CNTNAP2: variants seen among roughly 807,000 people sequenced by gnomAD.
CNTNAP2 encodes the protein contactin associated protein 2.
A neutral mutation model predicts 155.2 loss-of-function variants in CNTNAP2; 98 were observed. The observed-to-expected ratio is 0.63, with a 90% CI of 0.54 to 0.75. The LOEUF (loss-of-function observed/expected upper bound fraction) is 0.75. CNTNAP2 is among the 30% of genes least tolerant of loss of function. CNTNAP2 has a pLI of 0.00. For missense variants in CNTNAP2, 1,727 were observed against 1,688.1 expected, an observed-to-expected ratio of 1.02 and a Z score of -0.40; for synonymous variants, 651 against 631.2, an observed-to-expected ratio of 1.03 and a Z score of -0.47.
In CNTNAP2 at chr7:148,117,664, C is replaced by T. The variant is rs117759646; in HGVS notation, c.2384-454C>T. On this transcript the variant is annotated intron_variant, in intron 15 of 23. Transcript: ENST00000361727. Reference sequence around the variant, plus strand: ...CATATGCAGGAGTTCAAAACAGCCCCCACCCACCCACAGAGTAACCCCAGG... The same window carrying T: ...CATATGCAGGAGTTCAAAACAGCCCTCACCCACCCACAGAGTAACCCCAGG... 8.7e-3 allele frequency among the ~76,000 whole-genome samples: 1,331 copies of T among 152,190 alleles called. 6 individuals carry two copies. Among genetic ancestry groups the T allele is most frequent in the South Asian group, 0.023 (112 of 4,812 alleles).
intron 13 of CNTNAP2, among the ~76,000 whole-genome samples, chr7:147,888,145 T>C (rs1457596205): frequency 6.6e-6 from 1 of 152,076 alleles, no homozygotes; most frequent in African/African-American, 2.4e-5. Flanking sequence ...TGTGAATCAA[T>C]AGAGATAACT....
At chr7:148,359,948 T>C (rs1048773675) in intron 21 of CNTNAP2, among the ~76,000 whole-genome samples, 2 of 152,160 alleles carry the variant, frequency 1.3e-5, no homozygotes, top group Admixed American at 6.5e-5. Context: ...ATGTGAAAAA[T>C]ACAATAAAAT....
chr7:146,720,312 G>A (rs538178983), intron 1 of CNTNAP2, among the ~76,000 whole-genome samples: 2 of 151,968 alleles, frequency 1.3e-5, no homozygotes, highest in African/African-American at 4.8e-5. Context: ...CTCTTTACTG[G>A]CTCACTTTCA....
At chr7:147,859,439 AAC>A (rs1248315540) in intron 13 of CNTNAP2, among the ~76,000 whole-genome samples, 30 of 122,456 alleles carry the variant, frequency 2.4e-4, no homozygotes, top group African/African-American at 7.5e-4. Context: ...AAAAAAAAAA[AAC>A]ATGTCATATT....
At chr7:147,397,752 G>T (rs1372729029) in intron 10 of CNTNAP2, among the ~76,000 whole-genome samples, 1 of 148,286 alleles carries the variant, frequency 6.7e-6, no homozygotes, top group Admixed American at 6.9e-5. Flanking sequence ...ATTTTTCACA[G>T]ATACAGAGAT....
intron 3 of CNTNAP2, among the ~76,000 whole-genome samples, chr7:146,898,472 T>C (rs570732287): frequency 5.3e-5 from 8 of 151,916 alleles, no homozygotes; most frequent in African/African-American, 1.9e-4. Context: ...TTTAAATTAG[T>C]TGTGCAACTG....
intron 14 of CNTNAP2, among the ~76,000 whole-genome samples, chr7:147,952,871 A>G (rs1222843296): frequency 2.0e-5 from 3 of 152,122 alleles, no homozygotes; most frequent in Non-Finnish European, 4.4e-5. Context: ...TGAAATTACT[A>G]TCTACCAATG....
chr7:148,082,759 A>G (rs183078093), intron 15 of CNTNAP2, among the ~76,000 whole-genome samples: 71 of 151,958 alleles, frequency 4.7e-4, no homozygotes, highest in African/African-American at 1.6e-3. Flanking sequence ...GCTTATTGCA[A>G]CCTCCACCTC....
intron 1 of CNTNAP2, among the ~76,000 whole-genome samples, chr7:146,141,399 T>G: frequency 6.6e-6 from 1 of 152,168 alleles, no homozygotes; most frequent in African/African-American, 2.4e-5. Context: ...CTGTATTTTT[T>G]ATGGATTTAC....
chr7:146,721,786 G>A (rs1418535409), intron 1 of CNTNAP2, among the ~76,000 whole-genome samples: 1 of 84,274 alleles, frequency 1.2e-5, no homozygotes, highest in African/African-American at 5.5e-5. Context: ...TCTATATATA[G>A]TCTACATATA....
chr7:147,439,174 T>C (rs949561056), intron 10 of CNTNAP2, among the ~76,000 whole-genome samples: 1 of 151,950 alleles, frequency 6.6e-6, no homozygotes, highest in Admixed American at 6.6e-5. Flanking sequence ...TAAGATGCAT[T>C]GTTAGGTTGT....
intron 8 of CNTNAP2, among the ~76,000 whole-genome samples, chr7:147,284,094 C>T (rs953398150): frequency 1.3e-5 from 2 of 151,694 alleles, no homozygotes; most frequent in East Asian, 3.9e-4. Context: ...ACGGCAAGTA[C>T]AAATGTGAAG....
chr7:146,296,616 G>T (rs1400271725), intron 1 of CNTNAP2, among the ~76,000 whole-genome samples: 1 of 152,036 alleles, frequency 6.6e-6, no homozygotes, highest in Non-Finnish European at 1.5e-5. Flanking sequence ...TAAGTGTTTG[G>T]ATATTGGATA....
intron 1 of CNTNAP2, among the ~76,000 whole-genome samples, chr7:146,422,781 G>A (rs1478157720): frequency 6.6e-6 from 1 of 151,968 alleles, no homozygotes; most frequent in African/African-American, 2.4e-5. Flanking sequence ...ACCATCACAA[G>A]GCTCACAAAT....
chr7:147,573,785 G>C (rs1800339659), intron 12 of CNTNAP2, among the ~76,000 whole-genome samples: 1 of 152,096 alleles, frequency 6.6e-6, no homozygotes. Context: ...ATTTATCCAA[G>C]AATGTCTTCA....
chr7:147,660,878 G>T (rs998821011), intron 13 of CNTNAP2, among the ~76,000 whole-genome samples: 3 of 152,086 alleles, frequency 2.0e-5, no homozygotes, highest in African/African-American at 7.2e-5. Flanking sequence ...TTTTGTTGAG[G>T]TCTTTGTTAA....
chr7:147,587,384 C>T (rs923116490), intron 12 of CNTNAP2, among the ~76,000 whole-genome samples: 1 of 152,170 alleles, frequency 6.6e-6, no homozygotes, highest in Non-Finnish European at 1.5e-5. Context: ...TCTGTGCAAA[C>T]CTCATAAGCC....
chr7:148,188,668 T>C (rs907576504), intron 18 of CNTNAP2, among the ~76,000 whole-genome samples: 1 of 152,238 alleles, frequency 6.6e-6, no homozygotes, highest in African/African-American at 2.4e-5. Flanking sequence ...CTAAATAATC[T>C]TTAGTTATTG....
At chr7:148,048,837 T>C (rs1227300845) in intron 15 of CNTNAP2, among the ~76,000 whole-genome samples, 1 of 152,136 alleles carries the variant, frequency 6.6e-6, no homozygotes, top group Non-Finnish European at 1.5e-5. Context: ...GCTGGTTAAG[T>C]GGCCAGGACC....
Sources: allele counts gnomAD v4.1 joint callset (sites outside exome capture counted in the v4.1 genomes callset), GRCh38; gene constraint gnomAD v4.1.1; transcripts MANE v1.5; gene names NCBI Gene and HGNC (gene_info 2026-07-23, HGNC 2026-07-21).